The following FBXL7 variants were observed in gnomAD, a reference collection of about 807,000 sequenced individuals.
The protein encoded by FBXL7 is F-box/LRR-repeat protein 7.
FBXL7 carries 12 observed loss-of-function variants against 38.3 expected under a neutral mutation model. The ratio of observed to expected loss-of-function variants is 0.31; its 90% CI spans 0.20 to 0.51. FBXL7 has a LOEUF of 0.51. Ranked by LOEUF, FBXL7 falls within the 20% of genes least tolerant of loss-of-function variation. The probability of loss-of-function intolerance (pLI) is 0.98; values close to 1 mark genes in which losing one functional copy is unlikely to be tolerated. For missense variants in FBXL7, 567 were observed against 676.4 expected (o/e 0.84, Z 1.79); for synonymous variants, 297 against 300.9 (o/e 0.99, Z 0.13).
At chr5:15,724,756 T>G (rs1744296347) in intron 2 of FBXL7, among the ~76,000 whole-genome samples, 1 of 152,220 alleles carries the variant, frequency 6.6e-6, no homozygotes, top group Non-Finnish European at 1.5e-5. Context: ...TACCGTAACT[T>G]TAGCTTATCA....
chr5:15,724,431 C>T (rs941673546), intron 2 of FBXL7, among the ~76,000 whole-genome samples: 11 of 152,004 alleles, frequency 7.2e-5, no homozygotes, highest in African/African-American at 2.2e-4. Flanking sequence ...CTGTAACCAC[C>T]GCCACCACAA....
chr5:15,924,480 C>G (rs751770037), intron 2 of FBXL7, among the ~76,000 whole-genome samples: 2 of 152,050 alleles, frequency 1.3e-5, no homozygotes, highest in African/African-American at 2.4e-5. Context: ...AAAAAATCAC[C>G]CCCAAACTCA....
At chr5:15,720,902 G>A (rs1209071576) in intron 2 of FBXL7, among the ~76,000 whole-genome samples, 3 of 151,932 alleles carry the variant, frequency 2.0e-5, no homozygotes, top group Non-Finnish European at 4.4e-5. Context: ...GTAACAATGG[G>A]TTAAGATAGA....
chr5:15,636,248 C>T (rs1741186303), intron 2 of FBXL7, among the ~76,000 whole-genome samples: 1 of 152,090 alleles, frequency 6.6e-6, no homozygotes, highest in East Asian at 1.9e-4. Flanking sequence ...CTGTATCTTT[C>T]CTCTGTGTCT....
intron 1 of FBXL7, among the ~76,000 whole-genome samples, chr5:15,546,383 A>G (rs575921070): frequency 6.6e-6 from 1 of 152,128 alleles, no homozygotes; most frequent in South Asian, 2.1e-4. Context: ...CCTGGCCAAC[A>G]TGGTGAAACC....
chr5:15,905,806 G>T (rs1181730216), intron 2 of FBXL7, among the ~76,000 whole-genome samples: 2 of 152,044 alleles, frequency 1.3e-5, no homozygotes, highest in African/African-American at 4.8e-5. Context: ...ACAGAAGGCA[G>T]GAATGGAGAG....
chr5:15,651,162 T>C lies in FBXL7; in HGVS notation c.127+35090T>C, dbSNP rs186767945. On this transcript the variant is annotated intron_variant, in intron 2 of 3. Coordinates refer to ENST00000504595, the MANE Select transcript of FBXL7 (RefSeq NM_012304.5). ...CCCAGGCTGGAGTGCAGTGGTGCAA[T>C]CTCGGCTCACTGCAACTTCCACCTC... Among the ~76,000 whole-genome samples the C allele has an allele frequency of 3.5e-4, 53 of 150,100 alleles. No homozygotes were observed. In the East Asian group the frequency reaches 8.6e-3, roughly 24 times the overall value.
chr5:15,932,730 T>C (rs1196128884), intron 3 of FBXL7, among the ~76,000 whole-genome samples: 1 of 152,158 alleles, frequency 6.6e-6, no homozygotes, highest in Non-Finnish European at 1.5e-5. Context: ...TATTAATATA[T>C]ATGCAAATTG....
At chr5:15,609,917 T>G (rs1309979096) in intron 1 of FBXL7, among the ~76,000 whole-genome samples, 3 of 152,152 alleles carry the variant, frequency 2.0e-5, no homozygotes, top group African/African-American at 7.2e-5. Flanking sequence ...CGTGAGACGG[T>G]AATTTACAAA....
intron 2 of FBXL7, among the ~76,000 whole-genome samples, chr5:15,925,951 A>G (rs1435325297): frequency 6.6e-6 from 1 of 152,224 alleles, no homozygotes; most frequent in East Asian, 1.9e-4. Flanking sequence ...CACGTGAGAT[A>G]TTCAACACTT....
intron 2 of FBXL7, among the ~76,000 whole-genome samples, chr5:15,627,624 T>C (rs931347824): frequency 2.6e-4 from 39 of 152,174 alleles, no homozygotes; most frequent in African/African-American, 9.4e-4. Flanking sequence ...CAGTGACAAA[T>C]AGGCCATTCT....
intron 2 of FBXL7, among the ~76,000 whole-genome samples, chr5:15,736,796 G>A (rs1020996378): frequency 3.9e-5 from 6 of 152,126 alleles, no homozygotes; most frequent in African/African-American, 1.4e-4. Flanking sequence ...CACTTGATAC[G>A]CTGCTGTCTG....
At chr5:15,541,482 A>ATATATAT (rs1737752111) in intron 1 of FBXL7, among the ~76,000 whole-genome samples, 3 of 32,648 alleles carry the variant, frequency 9.2e-5, no homozygotes, top group Admixed American at 7.1e-4. Flanking sequence ...TATATATATA[A>ATATATAT]AGGTATAGCC....
chr5:15,876,849 A>G (rs931261227), intron 2 of FBXL7, among the ~76,000 whole-genome samples: 6 of 152,166 alleles, frequency 3.9e-5, no homozygotes, highest in African/African-American at 1.4e-4. Context: ...GAATGAAACA[A>G]ATTTATCAGT....
intron 1 of FBXL7, chr5:15,580,683 C>A: frequency 1.0e-6 from 1 of 985,356 alleles, no homozygotes; most frequent in Non-Finnish European, 1.2e-6. Context: ...ACCTCTGGGT[C>A]CGGGAGTGCT....
At chr5:15,708,022 C>T (rs2126639617) in intron 2 of FBXL7, among the ~76,000 whole-genome samples, 1 of 152,296 alleles carries the variant, frequency 6.6e-6, no homozygotes, top group South Asian at 2.1e-4. Context: ...TTGCTCTCTT[C>T]TTAAAGTGGC....
Position 15,533,604 on chromosome 5 carries a change from C to T in FBXL7, c.37+32891C>T, listed in dbSNP as rs1055554007. 3.9e-5 allele frequency among the ~76,000 whole-genome samples: 6 copies of T among 152,122 alleles called. No homozygotes were observed. In the South Asian group the frequency reaches 6.2e-4, roughly 16 times the overall value. ...GGGAACAAAAATCACATCAGAATAT[C>T]GGAGAAAGCCAGAAAAATCGCCTAA... On this transcript the variant is annotated intron_variant, in intron 1 of 3. Coordinates refer to ENST00000504595, the MANE Select transcript of FBXL7 (RefSeq NM_012304.5).
At chr5:15,708,320 G>T (rs1348067000) in intron 2 of FBXL7, among the ~76,000 whole-genome samples, 1 of 152,190 alleles carries the variant, frequency 6.6e-6, no homozygotes, top group African/African-American at 2.4e-5. Context: ...CTCTCACTGG[G>T]TTCCCATTTC....
chr5:15,743,266 G>A (rs764853630), intron 2 of FBXL7, among the ~76,000 whole-genome samples: 33 of 152,188 alleles, frequency 2.2e-4, no homozygotes, highest in Non-Finnish European at 3.8e-4. Context: ...CCATGAGCCT[G>A]TAAAATCAAA....
Sources: allele counts gnomAD v4.1 joint callset (sites outside exome capture counted in the v4.1 genomes callset), GRCh38; gene constraint gnomAD v4.1.1; transcripts MANE v1.5; gene names NCBI Gene and HGNC (gene_info 2026-07-23, HGNC 2026-07-21).